Variants in PROKR2 observed in about 807,000 individuals in gnomAD.
PROKR2 encodes G protein-coupled receptor 73-like 1.
In PROKR2, 26 loss-of-function variants were observed where a neutral mutation model predicts 23.4. That is an observed-to-expected ratio of 1.11 (90% CI 0.81 to 1.54). PROKR2 has a LOEUF of 1.54. Ranked by LOEUF, PROKR2 falls within the 40% of genes most tolerant of loss-of-function variation. The probability of loss-of-function intolerance (pLI) is 0.00; values close to 1 mark genes in which losing one functional copy is unlikely to be tolerated. For synonymous variants in PROKR2, 212 were observed against 201.2 expected (o/e 1.05, Z -0.45); for missense variants, 453 against 511.5 (o/e 0.89, Z 1.10).
intron 2 of PROKR2, among the ~76,000 whole-genome samples, chr20:5,308,201 C>G (rs1237770219): frequency 8.1e-5 from 3 of 37,022 alleles, no homozygotes; most frequent in African/African-American, 1.6e-4. Flanking sequence ...GGCCCCCCCC[C>G]CTCAAAACCT....
chr20:5,302,111 T>C lies in PROKR2; in HGVS notation c.1084A>G (p.Ser362Gly), dbSNP rs754076450. Reference protein sequence around the residue: ...WRPSQRGSKSSADLDLRTNGV... With the variant: ...WRPSQRGSKSGADLDLRTNGV... ...TTGGTTCTGAGGTCAAGGTCAGCAC[T>C]GGACTTGCTCCCCCGCTGGGAGGGA... is the stretch of plus-strand genomic sequence containing the variant. The change falls in exon 3 of 3, where the codon AGT (serine) becomes GGT (glycine). Residue 362 changes from serine (S) to glycine (G), a missense_variant. By Grantham distance (56) the Ser-to-Gly change is moderately conservative (BLOSUM62 0). Transcript: ENST00000678254. 6.2e-7 allele frequency: 1 copy of C among 1,614,220 alleles called. No homozygotes were observed. Among genetic ancestry groups the C allele is most frequent in the Non-Finnish European group, 8.5e-7 (1 of 1,180,042 alleles).
rs993902026 is a variant in PROKR2, at chr20:5,299,913, C to T, written c.*2127G>A. 6.6e-6 allele frequency among the ~76,000 whole-genome samples: 1 copy of T among 152,206 alleles called. No homozygotes were observed. Among genetic ancestry groups the T allele is most frequent in the Admixed American group, 6.5e-5 (1 of 15,282 alleles). ...GTGCTGGGATTACAGATGTGAGCCA[C>T]CATGCCGGCCTGCATTTTCTGAGAG... On this transcript the variant is annotated 3_prime_UTR_variant, in exon 3 of 3. Transcript: ENST00000678254.
chr20:5,311,530 A>G (rs6076806), intron 2 of PROKR2, among the ~76,000 whole-genome samples: 77,316 of 151,752 alleles, frequency 0.51, 19,968 homozygotes, highest in African/African-American at 0.61. Flanking sequence ...GGACAAGGGG[A>G]ATGGGAACAG....
rs1001379361 is a variant in PROKR2 at position 5,301,758 on chromosome 20, A to G, written c.*282T>C. On this transcript the variant is annotated 3_prime_UTR_variant, in exon 3 of 3. Transcript: ENST00000678254. ...GTCTAATCTCATTGGTGTGGTTTGCACACAGTACATGTTCAGTCCATGTCA... is the reference window on the plus strand; with the variant it reads ...GTCTAATCTCATTGGTGTGGTTTGCGCACAGTACATGTTCAGTCCATGTCA... Among the ~76,000 whole-genome samples the G allele has an allele frequency of 5.3e-5, 8 of 152,200 alleles. No individual in the cohort carries two copies. Among genetic ancestry groups the G allele is most frequent in the African/African-American group, 1.2e-4 (5 of 41,418 alleles).
Position 5,302,041 on chromosome 20 carries a change from C to T in PROKR2, c.1154G>A (p.Ter385=), listed in dbSNP as rs147311278. 1 of 1,613,370 alleles carries T rather than the reference C, an allele frequency of 6.2e-7. No individual in the cohort carries two copies. Among genetic ancestry groups the T allele is most frequent in the Non-Finnish European group, 8.5e-7 (1 of 1,179,476 alleles). Residue 385 remains the stop codon, a stop_retained_variant, in exon 3 of 3, where the codon TGA becomes TAA. Coordinates refer to ENST00000678254, the MANE Select transcript of PROKR2 (RefSeq NM_144773.4). Reference sequence around the variant, plus strand: ...TTTCAATTGTGTGACACCAGTGGGTCACTTCAGCCTGATACAGTCCACCTC... The same window carrying T: ...TTTCAATTGTGTGACACCAGTGGGTTACTTCAGCCTGATACAGTCCACCTC... The part of the protein sequence containing the change: ...TEEVDCIRLK[*]
chr20:5,314,438 C>A, intron 1 of PROKR2, 61 bp from the exon 2 acceptor site: 2 of 1,374,204 alleles, frequency 1.5e-6, no homozygotes, highest in Admixed American at 1.7e-5. Context: ...TCTGCTCTTT[C>A]AGGGTCAGTG....
At position 5,300,583 on chromosome 20, in the gene PROKR2, A is replaced by G. The variant is rs1274024279; in HGVS notation, c.*1457T>C. Among the ~76,000 whole-genome samples the G allele has an allele frequency of 6.6e-6, 1 of 152,210 alleles. No homozygotes were observed. The highest frequency in any genetic ancestry group is 2.4e-5 in the African/African-American group (1 of 41,446). ...ACCATGGCCTCAATGGGCTCTCCCA[A>G]CAGTCTTGCAAGGTATGAAGAGCGG... is the stretch of plus-strand genomic sequence containing the variant. On this transcript the variant is annotated 3_prime_UTR_variant, in exon 3 of 3. Coordinates refer to ENST00000678254, the MANE Select transcript of PROKR2 (RefSeq NM_144773.4).
intron 1 of PROKR2, among the ~76,000 whole-genome samples, chr20:5,314,663 TG>T (rs1979589731): frequency 6.6e-6 from 1 of 152,218 alleles, no homozygotes; most frequent in Admixed American, 6.5e-5. Flanking sequence ...AAACCCTCCG[TG>T]GCTGCCCAGC....
intron 1 of PROKR2, among the ~76,000 whole-genome samples, chr20:5,315,235 G>GAATTCCATGCAAAAAAAAAA (rs1330572086): frequency 4.0e-5 from 6 of 150,188 alleles, no homozygotes; most frequent in Non-Finnish European, 7.5e-5. Flanking sequence ...ACCAGCTCCA[G>GAATTCCATGCAAAAAAAAAA]AAAGAAATCC....
chr20:5,313,942 G>A lies in PROKR2; in HGVS notation c.428C>T (p.Thr143Ile). ...AATGGCAATGGCCAGCAAGGCATTG[G>A]TGGAGACGTAGAGGGAGACGGTGCG... ...YLRTVSLYVS[T>I]NALLAIAIDR... The change falls in exon 2 of 3, where the codon ACC becomes ATC. Residue 143 changes from threonine (T) to isoleucine (I), a missense_variant. Transcript: ENST00000678254. 1 of 1,614,208 alleles carries A rather than the reference G, an allele frequency of 6.2e-7. No homozygotes were observed. The highest frequency in any genetic ancestry group is 8.5e-7 in the Non-Finnish European group (1 of 1,180,024).
chr20:5,308,469 CTTCAT>C, intron 2 of PROKR2, among the ~76,000 whole-genome samples: 1 of 37,562 alleles, frequency 2.7e-5, no homozygotes, highest in Admixed American at 2.0e-4. Context: ...CGGCCCATCC[CTTCAT>C]TTCGGCCCAT....
rs112817333 is a variant in PROKR2 at position 5,301,223 on chromosome 20, T to G, written c.*817A>C. ...GCCGTTGGTTGTTGTTGTTGTTGTT[T>G]TGTTGTTTGTTTGTTTGTTTTTTTC... On this transcript the variant is annotated 3_prime_UTR_variant, in exon 3 of 3. Coordinates refer to ENST00000678254, the MANE Select transcript of PROKR2 (RefSeq NM_144773.4). Among the ~76,000 whole-genome samples the G allele has an allele frequency of 1.1e-4, 12 of 113,268 alleles. No homozygotes were observed. Among genetic ancestry groups the G allele is most frequent in the African/African-American group, 4.6e-4 (12 of 25,914 alleles). 74.3% of individuals were successfully genotyped at this position (113,268 alleles called of 152,430 possible). A position where few individuals can be genotyped will look rare whatever the true frequency, so the allele number is the denominator to read the frequency against.
intron 2 of PROKR2, among the ~76,000 whole-genome samples, chr20:5,311,072 T>G (rs1393173396): frequency 6.6e-6 from 1 of 152,210 alleles, no homozygotes; most frequent in African/African-American, 2.4e-5. Flanking sequence ...AGCAATGAAA[T>G]GTTTCAGGAA....
intron 2 of PROKR2, among the ~76,000 whole-genome samples, chr20:5,310,744 CA>C (rs1419719083): frequency 2.3e-4 from 35 of 152,358 alleles, no homozygotes; most frequent in African/African-American, 8.4e-4. Context: ...CTCTAGTTGC[CA>C]CAGTGAAAGC....
chr20:5,302,753 G>C lies in PROKR2; in HGVS notation c.459-17C>G. The C allele has an allele frequency of 5.0e-5, 78 of 1,575,168 alleles. No homozygotes were observed. The highest frequency in any genetic ancestry group is 6.1e-5 in the Non-Finnish European group (70 of 1,144,986). ...GCGAGATATCTGGTGGGGGAGGGAA[G>C]CCAACAGTAGTAATGATGAATACGT... On this transcript the variant is annotated splice_polypyrimidine_tract_variant and intron_variant, in intron 2 of 2. Coordinates refer to ENST00000678254, the MANE Select transcript of PROKR2 (RefSeq NM_144773.4).
At chr20:5,303,174 TG>T (rs1438357795) in intron 2 of PROKR2, among the ~76,000 whole-genome samples, 16 of 152,356 alleles carry the variant, frequency 1.1e-4, no homozygotes, top group African/African-American at 3.8e-4. Context: ...TATACCACCT[TG>T]GGTTTCCATC....
At chr20:5,304,001 G>T (rs1979117389) in intron 2 of PROKR2, among the ~76,000 whole-genome samples, 1 of 152,140 alleles carries the variant, frequency 6.6e-6, no homozygotes, top group African/African-American at 2.4e-5. Flanking sequence ...TACAGAGCAG[G>T]TTTATTTGCC....
chr20:5,305,063 CA>C (rs1362814174), intron 2 of PROKR2, among the ~76,000 whole-genome samples: 1 of 152,130 alleles, frequency 6.6e-6, no homozygotes, highest in Non-Finnish European at 1.5e-5. Context: ...GTCAGGCCAC[CA>C]GATAGGGGAA....
rs749220846 is a variant in PROKR2, at chr20:5,314,063, C to A, written c.307G>T (p.Ala103Ser). 6.2e-7 allele frequency: 1 copy of A among 1,614,170 alleles called. No homozygotes were observed. The highest frequency in any genetic ancestry group is 8.5e-7 in the Non-Finnish European group (1 of 1,180,026). ...ANLAISDFLV[A>S]IICCPFEMDY... ...ATCTCGAAGGGGCAGCAGATGATGG[C>A]CACCAGGAAGTCGGAGATGGCCAGG... is the stretch of plus-strand genomic sequence containing the variant. The change falls in exon 2 of 3, where the codon GCC becomes TCC. Residue 103 changes from alanine (A) to serine (S), a missense_variant. Coordinates refer to ENST00000678254, the MANE Select transcript of PROKR2 (RefSeq NM_144773.4).
Sources: allele counts gnomAD v4.1 joint callset (sites outside exome capture counted in the v4.1 genomes callset), GRCh38; gene constraint gnomAD v4.1.1; transcripts MANE v1.5; gene names NCBI Gene and HGNC (gene_info 2026-07-23, HGNC 2026-07-21).